LHFPL6: variants seen among roughly 807,000 people sequenced by gnomAD.
The protein encoded by LHFPL6 is LHFPL tetraspan subfamily member 6 protein.
LHFPL6 carries 9 observed loss-of-function variants against 20.6 expected under a neutral mutation model. The observed-to-expected ratio is 0.44, with a 90% CI of 0.26 to 0.76. LHFPL6 has a LOEUF of 0.76. Among genes scored for constraint, LHFPL6 ranks in the 30% least tolerant of loss-of-function variants. LHFPL6 has a pLI of 0.20. For synonymous variants in LHFPL6, 105 were observed against 98.7 expected (o/e 1.06, Z -0.38); for missense variants, 218 against 253.5 (o/e 0.86, Z 0.95).
chr13:39,533,025 C>A (rs1028014405), intron 2 of LHFPL6, among the ~76,000 whole-genome samples: 1 of 152,198 alleles, frequency 6.6e-6, no homozygotes, highest in Admixed American at 6.5e-5. Flanking sequence ...ACCAACTTTA[C>A]ACTAACCAGT....
At chr13:39,497,737 A>G (rs1869147970) in intron 2 of LHFPL6, among the ~76,000 whole-genome samples, 1 of 151,978 alleles carries the variant, frequency 6.6e-6, no homozygotes, top group Non-Finnish European at 1.5e-5. Context: ...GATGGGGGGG[A>G]GGAACACACA....
At chr13:39,476,791 C>G (rs1490868803) in intron 2 of LHFPL6, among the ~76,000 whole-genome samples, 3 of 152,142 alleles carry the variant, frequency 2.0e-5, no homozygotes, top group African/African-American at 4.8e-5. Flanking sequence ...CTGTGAGGAG[C>G]CTCCTCCCTT....
At chr13:39,449,899 T>C (rs1371713036) in intron 2 of LHFPL6, among the ~76,000 whole-genome samples, 1 of 151,878 alleles carries the variant, frequency 6.6e-6, no homozygotes, top group African/African-American at 2.4e-5. Context: ...CAGCTCTGCA[T>C]CAGACTTACC....
intron 3 of LHFPL6, among the ~76,000 whole-genome samples, chr13:39,361,483 A>G (rs1273667943): frequency 6.6e-6 from 1 of 151,886 alleles, no homozygotes; most frequent in Non-Finnish European, 1.5e-5. Context: ...ACACCCGGCT[A>G]ATTTTTCTAT....
At chr13:39,487,434 G>A (rs1332144535) in intron 2 of LHFPL6, among the ~76,000 whole-genome samples, 1 of 152,202 alleles carries the variant, frequency 6.6e-6, no homozygotes, top group Admixed American at 6.5e-5. Flanking sequence ...GGCTAAAGCA[G>A]TTAACCTTCC....
intron 2 of LHFPL6, among the ~76,000 whole-genome samples, chr13:39,436,793 C>G (rs1871970181): frequency 6.6e-6 from 1 of 152,174 alleles, no homozygotes; most frequent in Non-Finnish European, 1.5e-5. Context: ...GTTAGTGTGG[C>G]TTTTCAACAT....
chr13:39,507,866 C>T (rs1416272343), intron 2 of LHFPL6, among the ~76,000 whole-genome samples: 1 of 146,608 alleles, frequency 6.8e-6, no homozygotes, highest in South Asian at 2.2e-4. Flanking sequence ...GATTTCAAGT[C>T]CAGGCTTTAT....
intron 2 of LHFPL6, among the ~76,000 whole-genome samples, chr13:39,484,361 G>C (rs1868639969): frequency 6.6e-6 from 1 of 152,120 alleles, no homozygotes; most frequent in African/African-American, 2.4e-5. Flanking sequence ...TTGGAGTCAT[G>C]CTTGAGGTCT....
chr13:39,468,995 A>G (rs886413528), intron 2 of LHFPL6, among the ~76,000 whole-genome samples: 19 of 152,160 alleles, frequency 1.2e-4, no homozygotes, highest in Admixed American at 1.2e-3. Context: ...GCCTCAGGCT[A>G]GCCTAACTGT....
Position 39,602,196 on chromosome 13 carries a change from C to G in LHFPL6, c.-175+687G>C, listed in dbSNP as rs1872973776. On this transcript the variant is annotated intron_variant, in intron 1 of 3. Coordinates refer to ENST00000379589, the MANE Select transcript of LHFPL6 (RefSeq NM_005780.3). ...CAGGGGCATCTACTTCCACCCCAGC[C>G]TTTCAAAAAGAGTTCCTTAACCATT... Among the ~76,000 whole-genome samples, 2 of 152,136 alleles carry G rather than the reference C, an allele frequency of 1.3e-5. 1 individual carries two copies. Among genetic ancestry groups the G allele is most frequent in the South Asian group, 4.1e-4 (2 of 4,824 alleles).
intron 3 of LHFPL6, among the ~76,000 whole-genome samples, chr13:39,350,674 G>C (rs1424984695): frequency 1.3e-5 from 2 of 152,200 alleles, no homozygotes; most frequent in Non-Finnish European, 2.9e-5. Context: ...TCTCCGTAAT[G>C]CTCCATCAAA....
intron 2 of LHFPL6, among the ~76,000 whole-genome samples, chr13:39,461,074 G>T (rs1006395514): frequency 1.3e-5 from 2 of 152,146 alleles, no homozygotes; most frequent in African/African-American, 4.8e-5. Context: ...ATTTAGAGGG[G>T]AGAACATGCA....
At chr13:39,506,610 CAGCTTAATCAACAG>C (rs1193889140) in intron 2 of LHFPL6, among the ~76,000 whole-genome samples, 1 of 152,080 alleles carries the variant, frequency 6.6e-6, no homozygotes, top group Non-Finnish European at 1.5e-5. Context: ...CGCCACTCAG[CAGCTTAATCAACAG>C]AGCTCCATCA....
intron 2 of LHFPL6, among the ~76,000 whole-genome samples, chr13:39,569,398 C>T (rs1365746539): frequency 1.3e-5 from 2 of 152,036 alleles, no homozygotes; most frequent in Non-Finnish European, 2.9e-5. Context: ...GTCTTGGAAC[C>T]CATCAATCTA....
intron 2 of LHFPL6, among the ~76,000 whole-genome samples, chr13:39,549,612 A>G (rs557034223): frequency 2.6e-4 from 39 of 152,258 alleles, no homozygotes; most frequent in African/African-American, 9.2e-4. Context: ...AGTTTGGGTT[A>G]TAAAGTTCAG....
chr13:39,392,169 A>C (rs1170219204), intron 2 of LHFPL6, among the ~76,000 whole-genome samples: 1 of 152,208 alleles, frequency 6.6e-6, no homozygotes, highest in East Asian at 1.9e-4. Flanking sequence ...GTACCTTGAA[A>C]TATGGTTATA....
chr13:39,504,114 A>T (rs1044201559), intron 2 of LHFPL6, among the ~76,000 whole-genome samples: 1 of 152,232 alleles, frequency 6.6e-6, no homozygotes, highest in South Asian at 2.1e-4. Flanking sequence ...GGCATCAGTG[A>T]GTCACCGGAA....
intron 2 of LHFPL6, among the ~76,000 whole-genome samples, chr13:39,553,227 CTAA>C (rs748168821): frequency 3.4e-4 from 52 of 152,166 alleles, no homozygotes; most frequent in Non-Finnish European, 6.9e-4. Context: ...TGATAATCAT[CTAA>C]TAATTATGAA....
intron 3 of LHFPL6, among the ~76,000 whole-genome samples, chr13:39,359,706 A>G (rs1306210527): frequency 1.3e-5 from 2 of 152,132 alleles, no homozygotes; most frequent in Non-Finnish European, 2.9e-5. Context: ...GGATTCAATC[A>G]TACTCCAAAC....
Sources: allele counts gnomAD v4.1 joint callset (sites outside exome capture counted in the v4.1 genomes callset), GRCh38; gene constraint gnomAD v4.1.1; transcripts MANE v1.5; gene names NCBI Gene and HGNC (gene_info 2026-07-23, HGNC 2026-07-21).